SLC16A5: variants seen among roughly 807,000 people sequenced by gnomAD.
SLC16A5 encodes the protein monocarboxylate transporter 6.
A neutral mutation model predicts 33.2 loss-of-function variants in SLC16A5; 29 were observed. The ratio of observed to expected loss-of-function variants is 0.87; its 90% CI spans 0.65 to 1.19. The LOEUF (loss-of-function observed/expected upper bound fraction) is 1.19, where lower values mean the gene tolerates loss of function less well. Ranked by LOEUF, SLC16A5 falls within the 50% of genes most tolerant of loss-of-function variation. SLC16A5 has a pLI of 0.00. For missense variants in SLC16A5, 606 were observed against 678.2 expected (o/e 0.89, Z 1.18); for synonymous variants, 248 against 284.1 (o/e 0.87, Z 1.28).
intron 2 of SLC16A5, among the ~76,000 whole-genome samples, chr17:75,091,691 C>CCCA: frequency 6.6e-6 from 1 of 152,240 alleles, no homozygotes; most frequent in African/African-American, 2.4e-5. Flanking sequence ...GGTAGATGTC[C>CCCA]GAGTTTCCCC....
intron 3 of SLC16A5, 126 bp from the exon 4 acceptor site, chr17:75,097,912 C>A: frequency 9.0e-7 from 1 of 1,108,932 alleles, no homozygotes; most frequent in Non-Finnish European, 1.3e-6. Context: ...GTATCAGAAT[C>A]CAGGCCTGCT....
chr17:75,104,858 T>C (rs1408049989), intron 6 of SLC16A5: 6 of 985,308 alleles, frequency 6.1e-6, no homozygotes, highest in Non-Finnish European at 1.2e-6. Flanking sequence ...TGAGCCCTGC[T>C]CAGGTTTGTC....
At position 75,105,860 on chromosome 17, in the gene SLC16A5, G is replaced by T. The variant is rs750269177; in HGVS notation, c.1365-20G>T. 3.2e-5 allele frequency: 50 copies of T among 1,567,514 alleles called. 1 individual carries two copies. The South Asian group carries it at 5.2e-4, about 16-fold the overall frequency. The stretch of plus-strand genomic sequence containing the variant: ...GCTCCGCAAGAAAACCTTATCAGGA[G>T]ATTTTATTTTCATGAACAGGTGCCA... On this transcript the variant is annotated intron_variant, in intron 6 of 6. Transcript: ENST00000329783.
At chr17:75,092,683 T>C (rs2073655765) in intron 2 of SLC16A5, among the ~76,000 whole-genome samples, 1 of 151,596 alleles carries the variant, frequency 6.6e-6, no homozygotes, top group South Asian at 2.1e-4. Context: ...GGTCAGTGGA[T>C]CTCTGTGTGT....
rs552391671 is a variant in SLC16A5 at position 75,103,821 on chromosome 17, T to C, written c.1154-149T>C. ...GTTGTGTTTCTTCCCCTCCTTTCAT[T>C]CTTCAAGTATCTGTTGAGTGTCTAC... On this transcript the variant is annotated intron_variant, in intron 5 of 6. Coordinates refer to ENST00000329783, the MANE Select transcript of SLC16A5 (RefSeq NM_004695.4). 55 of 680,014 alleles carry C rather than the reference T, an allele frequency of 8.1e-5. No individual in the cohort carries two copies. The African/African-American group carries it at 9.1e-4, about 11-fold the overall frequency. The allele number at this position is 680,014 out of a possible 1,614,324, so 42.1% of individuals were successfully genotyped here. A position where few individuals can be genotyped will look rare whatever the true frequency, so the allele number is the denominator to read the frequency against.
chr17:75,105,231 C>A lies in SLC16A5; in HGVS notation c.1365-649C>A, dbSNP rs564115868. 4.1e-6 allele frequency: 4 copies of A among 985,410 alleles called. No homozygotes were observed. The Admixed American group carries it at 1.8e-4, about 45-fold the overall frequency. The allele number at this position is 985,410 out of a possible 1,614,324, so 61.0% of individuals were successfully genotyped here. A position where few individuals can be genotyped will look rare whatever the true frequency, so the allele number is the denominator to read the frequency against. ...TCCTAGAATCGGTGAAGTCTGAGGG[C>A]CCCCCTGCAGTCTCAGCAGGACCTG... On this transcript the variant is annotated intron_variant, in intron 6 of 6. Transcript: ENST00000329783.
rs752937941 is a variant in SLC16A5, at chr17:75,100,744, C to T, written c.1081C>T (p.Gln361Ter). 2 of 1,613,962 alleles carry T rather than the reference C, an allele frequency of 1.2e-6. No individual in the cohort carries two copies. Among genetic ancestry groups the T allele is most frequent in the Admixed American group, 3.3e-5 (2 of 59,990 alleles). ...QVLMDIVPMD[Q>*]FPRALGLFTV... ...TCTCATGGACATCGTCCCCATGGATCAGTTCCCCAGAGCCCTGGGACTCTT... is the reference window on the plus strand; with the variant it reads ...TCTCATGGACATCGTCCCCATGGATTAGTTCCCCAGAGCCCTGGGACTCTT... Residue 361 changes from glutamine (Q) to a stop codon, truncating the protein, a stop_gained, in exon 5 of 7, where the codon CAG becomes TAG. Coordinates refer to ENST00000329783, the MANE Select transcript of SLC16A5 (RefSeq NM_004695.4). LOFTEE classifies it high-confidence loss of function.
chr17:75,101,569 A>G (rs1243132480), intron 5 of SLC16A5, among the ~76,000 whole-genome samples: 8 of 135,478 alleles, frequency 5.9e-5, no homozygotes, highest in Non-Finnish European at 1.2e-4. Flanking sequence ...CTGAAAAAAA[A>G]AAAAAAAAAA....
chr17:75,090,702 G>A (rs895773101), intron 2 of SLC16A5, among the ~76,000 whole-genome samples: 2 of 151,914 alleles, frequency 1.3e-5, no homozygotes, highest in East Asian at 1.9e-4. Flanking sequence ...CTCGTGATCC[G>A]CCTGCCTCAG....
chr17:75,100,127 G>C lies in SLC16A5; in HGVS notation c.464G>C (p.Trp155Ser). 1 of 1,614,154 alleles carries C rather than the reference G, an allele frequency of 6.2e-7. No homozygotes were observed. Among genetic ancestry groups the C allele is most frequent in the Non-Finnish European group, 8.5e-7 (1 of 1,180,014 alleles). The change falls in exon 5 of 7, where the codon TGG (tryptophan) becomes TCG (serine). Residue 155 changes from tryptophan to serine, a missense_variant. Transcript: ENST00000329783. ...GGCGTCTCCCTGGGCATCACCCTCT[G>C]GCCGCTGCTCTCCCGCTACCTTCTG... ...SMGVSLGITL[W>S]PLLSRYLLEN...
chr17:75,104,242 T>C (rs1274466765), intron 6 of SLC16A5, 62 bp downstream of exon 6: 2 of 1,581,776 alleles, frequency 1.3e-6, no homozygotes, highest in Non-Finnish European at 1.7e-6. Context: ...AGTCCTGGGA[T>C]CACTGAGTGA....
intron 3 of SLC16A5, 26 bp downstream of exon 3, chr17:75,093,861 G>T: frequency 6.2e-7 from 1 of 1,606,992 alleles, no homozygotes; most frequent in South Asian, 1.1e-5. Context: ...AGGGGCCGAT[G>T]AGAAAGTCCT....
rs1266528048 is a variant in SLC16A5, at chr17:75,104,822, G to T, written c.1364+642G>T. ...CGGACTTTTTTCCTTGGGTACCAGGGTACTCGGGGCCCAGGAACCTGGGTC... is the reference window on the plus strand; with the variant it reads ...CGGACTTTTTTCCTTGGGTACCAGGTTACTCGGGGCCCAGGAACCTGGGTC... On this transcript the variant is annotated intron_variant, in intron 6 of 6. Coordinates refer to ENST00000329783, the MANE Select transcript of SLC16A5 (RefSeq NM_004695.4). 4.1e-6 allele frequency: 4 copies of T among 985,238 alleles called. No individual in the cohort carries two copies. In the Admixed American group the frequency reaches 2.5e-4, roughly 61 times the overall value. 61.0% of individuals were successfully genotyped at this position (985,238 alleles called of 1,614,324 possible).
chr17:75,091,461 G>A (rs1339234578), intron 2 of SLC16A5, among the ~76,000 whole-genome samples: 1 of 152,164 alleles, frequency 6.6e-6, no homozygotes, highest in Non-Finnish European at 1.5e-5. Context: ...GCAGTGCTCC[G>A]CCTTGCACAT....
chr17:75,098,103 C>G lies in SLC16A5; in HGVS notation c.265C>G (p.Leu89Val). The G allele has an allele frequency of 6.2e-7, 1 of 1,610,442 alleles. No homozygotes were observed. Among genetic ancestry groups the G allele is most frequent in the Non-Finnish European group, 8.5e-7 (1 of 1,178,562 alleles). Reference protein sequence around the residue: ...CRVTVMLGGVLASLGMVASSF... With the variant: ...CRVTVMLGGVVASLGMVASSF... ...AGTGACCGTGATGCTGGGGGGCGTG[C>G]TGGCCAGCCTGGGCATGGTGGCCAG... The change falls in exon 4 of 7, where the codon CTG becomes GTG. Residue 89 changes from leucine to valine, a missense_variant. Physicochemically the swap from Leu to Val is conservative, Grantham distance 32. Transcript: ENST00000329783.
Position 75,106,060 on chromosome 17 carries a change from T to A in SLC16A5, c.*27T>A, listed in dbSNP as rs1389041004. ...TGCCCTGTTTGACTCCGCCACTATC[T>A]GCCATGTGAGTTGGGCAAATTGTTG... On this transcript the variant is annotated 3_prime_UTR_variant, in exon 7 of 7. Coordinates refer to ENST00000329783, the MANE Select transcript of SLC16A5 (RefSeq NM_004695.4). The A allele has an allele frequency of 7.8e-7, 1 of 1,280,468 alleles. No homozygotes were observed. The highest frequency in any genetic ancestry group is 2.1e-5 in the Admixed American group (1 of 47,372). The allele number at this position is 1,280,468 out of a possible 1,614,324, so 79.3% of individuals were successfully genotyped here. A position where few individuals can be genotyped will look rare whatever the true frequency, so the allele number is the denominator to read the frequency against.
chr17:75,088,268 A>G (rs1423169417), intron 1 of SLC16A5, among the ~76,000 whole-genome samples: 1 of 152,126 alleles, frequency 6.6e-6, no homozygotes, highest in African/African-American at 2.4e-5. Context: ...CCTGGCCCGA[A>G]ATTCCAGGGC....
At chr17:75,105,642 A>G (rs1277691984) in intron 6 of SLC16A5, 1 of 985,302 alleles carries the variant, frequency 1.0e-6, no homozygotes. Flanking sequence ...CCAGCAGGGT[A>G]CCGAGGGAAT....
At chr17:75,103,699 G>A (rs1182579292) in intron 5 of SLC16A5, among the ~76,000 whole-genome samples, 2 of 152,182 alleles carry the variant, frequency 1.3e-5, no homozygotes, top group East Asian at 3.8e-4. Context: ...CCTGGAGGGT[G>A]GGTGAGCAAA....
Sources: gnomAD v4.1 joint callset for allele counts (sites outside exome capture counted in the v4.1 genomes callset) on GRCh38, gnomAD v4.1.1 for gene constraint, MANE v1.5 for transcripts, NCBI Gene and HGNC (gene_info 2026-07-23, HGNC 2026-07-21) for gene names.